CMIP: variants seen among roughly 807,000 people sequenced by gnomAD.
CMIP encodes c-Maf inducing protein.
CMIP carries 13 observed loss-of-function variants against 97.3 expected under a neutral mutation model. The observed-to-expected ratio is 0.13, with a 90% CI of 0.09 to 0.21. The LOEUF is 0.21. CMIP is among the 10% of genes least tolerant of loss of function. The pLI is 1.00. For synonymous variants in CMIP, 538 were observed against 436.3 expected (o/e 1.23, Z -2.91); for missense variants, 847 against 1,024.9 (o/e 0.83, Z 2.37).
At chr16:81,495,613 G>A in intron 1 of CMIP, 1 of 1,054,740 alleles carries the variant, frequency 9.5e-7, no homozygotes, top group Non-Finnish European at 1.4e-6. Flanking sequence ...AGGGTGGGCA[G>A]GTGTGTCTGC....
intron 3 of CMIP, among the ~76,000 whole-genome samples, chr16:81,629,012 T>C (rs2092114177): frequency 6.6e-6 from 1 of 151,662 alleles, no homozygotes; most frequent in Admixed American, 6.6e-5. Flanking sequence ...GGCTCAGGCC[T>C]ATAGTCCCAG....
intron 1 of CMIP, among the ~76,000 whole-genome samples, chr16:81,576,397 C>G (rs1017555284): frequency 6.6e-6 from 1 of 152,004 alleles, no homozygotes; most frequent in African/African-American, 2.4e-5. Flanking sequence ...GAGCAAGACT[C>G]TGTCTCAAAA....
intron 1 of CMIP, among the ~76,000 whole-genome samples, chr16:81,601,473 A>G (rs971577013): frequency 3.3e-5 from 5 of 152,042 alleles, no homozygotes; most frequent in Non-Finnish European, 7.4e-5. Context: ...CTGAGGCCAT[A>G]TCTGGTTTGG....
At chr16:81,668,812 C>A (rs2092639994) in intron 7 of CMIP, among the ~76,000 whole-genome samples, 1 of 151,420 alleles carries the variant, frequency 6.6e-6, no homozygotes, top group Non-Finnish European at 1.5e-5. Context: ...CCATTCACAC[C>A]CACCTCACAC....
At chr16:81,514,462 T>G (rs1014193860) in intron 1 of CMIP, among the ~76,000 whole-genome samples, 1 of 152,200 alleles carries the variant, frequency 6.6e-6, no homozygotes, top group African/African-American at 2.4e-5. Context: ...AGCTGGCTAC[T>G]CATTAGTCCA....
intron 3 of CMIP, among the ~76,000 whole-genome samples, chr16:81,629,082 G>A (rs2092115904): frequency 1.5e-5 from 2 of 136,782 alleles, no homozygotes; most frequent in Admixed American, 8.0e-5. Flanking sequence ...GTTGCAGTGA[G>A]CCGAGATGGT....
intron 1 of CMIP, among the ~76,000 whole-genome samples, chr16:81,467,666 C>T (rs1380258843): frequency 1.3e-5 from 2 of 151,248 alleles, no homozygotes; most frequent in Non-Finnish European, 2.9e-5. Flanking sequence ...CTACAACCTC[C>T]GCCTTCCAGG....
intron 17 of CMIP, among the ~76,000 whole-genome samples, chr16:81,703,697 G>A (rs1907688460): frequency 6.6e-6 from 1 of 152,050 alleles, no homozygotes; most frequent in Admixed American, 6.6e-5. Flanking sequence ...TCACAGCACT[G>A]GAGGCTTTCT....
intron 10 of CMIP, among the ~76,000 whole-genome samples, chr16:81,688,495 G>A (rs566283807): frequency 6.1e-4 from 93 of 152,268 alleles, no homozygotes; most frequent in African/African-American, 2.1e-3. Flanking sequence ...CCTCCAGTTC[G>A]TCATCTGTTA....
At position 81,445,161 on chromosome 16, in the gene CMIP, G is replaced by A. The variant is rs1905747197; in HGVS notation, c.-81G>A. ...CCCGGGGGGTGGGGGGGTGCGGGCCGCCGGATCCGGGGGCCCCGCCGCCCC... is the reference window on the plus strand; with the variant it reads ...CCCGGGGGGTGGGGGGGTGCGGGCCACCGGATCCGGGGGCCCCGCCGCCCC... On this transcript the variant is annotated 5_prime_UTR_variant, in exon 1 of 21. Transcript: ENST00000537098. 8.0e-6 allele frequency: 7 copies of A among 870,762 alleles called. No individual in the cohort carries two copies. The highest frequency in any genetic ancestry group is 2.6e-5 in the South Asian group (1 of 38,068). 53.9% of individuals were successfully genotyped at this position (870,762 alleles called of 1,614,324 possible).
chr16:81,532,016 T>C (rs902078246), intron 1 of CMIP, among the ~76,000 whole-genome samples: 1 of 152,254 alleles, frequency 6.6e-6, no homozygotes, highest in Non-Finnish European at 1.5e-5. Flanking sequence ...ATGGCGCTTC[T>C]TCTGGATGTC....
chr16:81,515,405 A>C (rs1040776422), intron 1 of CMIP, among the ~76,000 whole-genome samples: 2 of 152,140 alleles, frequency 1.3e-5, no homozygotes, highest in African/African-American at 4.8e-5. Context: ...GTGTGTGGCG[A>C]TGTAAGGAGA....
chr16:81,593,210 C>T (rs893347674), intron 1 of CMIP, among the ~76,000 whole-genome samples: 7 of 152,214 alleles, frequency 4.6e-5, no homozygotes, highest in African/African-American at 1.4e-4. Context: ...GCCCTCCCAG[C>T]CCAGCTGCAG....
At chr16:81,473,125 G>A (rs1051859623) in intron 1 of CMIP, among the ~76,000 whole-genome samples, 3 of 152,182 alleles carry the variant, frequency 2.0e-5, no homozygotes, top group Non-Finnish European at 2.9e-5. Context: ...CCTCCTGCCC[G>A]GCCTCCTCTG....
intron 1 of CMIP, among the ~76,000 whole-genome samples, chr16:81,521,213 G>C (rs951129789): frequency 1.3e-5 from 2 of 152,230 alleles, no homozygotes; most frequent in African/African-American, 2.4e-5. Context: ...TCAGCCCCGA[G>C]GCCTTTCGGC....
chr16:81,697,682 G>A (rs1001646146), intron 14 of CMIP: 4 of 152,268 alleles, frequency 2.6e-5, no homozygotes, highest in African/African-American at 9.6e-5. Context: ...CGGAAATGAC[G>A]CCGGTGGTGA....
chr16:81,541,838 G>A (rs1047962387), intron 1 of CMIP, among the ~76,000 whole-genome samples: 8 of 152,328 alleles, frequency 5.3e-5, no homozygotes, highest in African/African-American at 1.9e-4. Flanking sequence ...ACGACCCAGA[G>A]GCCGTCTGCA....
chr16:81,614,717 G>T lies in CMIP; in HGVS notation c.427-6159G>T, dbSNP rs1211192210. Among the ~76,000 whole-genome samples, 2 of 151,830 alleles carry T rather than the reference G, an allele frequency of 1.3e-5. No homozygotes were observed. Among genetic ancestry groups the T allele is most frequent in the Admixed American group, 1.3e-4 (2 of 15,248 alleles). ...GTGTGTATGGTATGTCTGCATGTGT[G>T]TGCGTACACATGTGTGTCTCTGTGA... is the stretch of plus-strand genomic sequence containing the variant. On this transcript the variant is annotated intron_variant, in intron 2 of 20. Transcript: ENST00000537098. The surrounding 1 kb of genome is among the most constrained non-coding windows in gnomAD (Gnocchi z 5.3).
At chr16:81,464,453 A>T (rs1907080336) in intron 1 of CMIP, 1 of 152,124 alleles carries the variant, frequency 6.6e-6, no homozygotes, top group Non-Finnish European at 1.5e-5. Context: ...TGTCTATTTG[A>T]TGATGCAACC....
Sources: allele counts gnomAD v4.1 joint callset (sites outside exome capture counted in the v4.1 genomes callset), GRCh38; gene constraint gnomAD v4.1.1; non-coding constraint Gnocchi (gnomAD v3.1); transcripts MANE v1.5; gene names NCBI Gene and HGNC (gene_info 2026-07-23, HGNC 2026-07-21).